AVEN: variants seen among roughly 807,000 people sequenced by gnomAD.
AVEN encodes the protein apoptosis and caspase activation inhibitor.
Under a neutral mutation model 38.1 loss-of-function variants are expected in AVEN, and 41 were observed. The ratio of observed to expected loss-of-function variants is 1.08; its 90% CI spans 0.84 to 1.40. AVEN has a LOEUF of 1.40. Among genes scored for constraint, AVEN ranks in the 40% most tolerant of loss-of-function variants. The probability of loss-of-function intolerance (pLI) is 0.00; values close to 1 mark genes in which losing one functional copy is unlikely to be tolerated. For missense variants in AVEN, 605 were observed against 438.8 expected (o/e 1.38, Z -3.38); for synonymous variants, 206 against 171.8 (o/e 1.20, Z -1.56).
intron 4 of AVEN, among the ~76,000 whole-genome samples, chr15:33,870,467 C>T (rs189555235): frequency 6.6e-6 from 1 of 152,292 alleles, no homozygotes; most frequent in Admixed American, 6.5e-5. Context: ...CCATTCCTAA[C>T]CACACCACAC....
intron 2 of AVEN, among the ~76,000 whole-genome samples, chr15:33,915,060 G>T (rs1044613596): frequency 2.0e-5 from 3 of 152,084 alleles, no homozygotes; most frequent in Non-Finnish European, 4.4e-5. Flanking sequence ...CAAATATACA[G>T]CAGTAGTTAA....
chr15:33,952,858 G>GA (rs60788032), intron 2 of AVEN, among the ~76,000 whole-genome samples: 9,597 of 91,504 alleles, frequency 0.1, 411 homozygotes, highest in South Asian at 0.23. Flanking sequence ...AGGCTAAAGA[G>GA]AAAAAAAAAA....
chr15:34,064,439 T>C (rs1387258238), intron 4 of AVEN: 1 of 1,238,680 alleles, frequency 8.1e-7, no homozygotes, highest in Non-Finnish European at 1.1e-6. Context: ...CTTGAAGATT[T>C]TTGTAAAGGC....
At chr15:33,944,354 A>C (rs1894429278) in intron 2 of AVEN, among the ~76,000 whole-genome samples, 1 of 152,220 alleles carries the variant, frequency 6.6e-6, no homozygotes, top group East Asian at 1.9e-4. Flanking sequence ...GGCAACTATA[A>C]CGTGTCCAGT....
chr15:34,032,023 GCA>G (rs10643932), intron 1 of AVEN, among the ~76,000 whole-genome samples: 12 of 149,010 alleles, frequency 8.1e-5, no homozygotes, highest in East Asian at 2.0e-4. Context: ...GCGCGCACAC[GCA>G]CACACACACA....
chr15:33,869,083 G>C (rs1306219029), intron 4 of AVEN, among the ~76,000 whole-genome samples: 1 of 152,294 alleles, frequency 6.6e-6, no homozygotes, highest in Non-Finnish European at 1.5e-5. Flanking sequence ...ATGTAAGACG[G>C]TATGGCTTTA....
intron 2 of AVEN, among the ~76,000 whole-genome samples, chr15:33,879,082 G>A (rs549353143): frequency 6.6e-6 from 1 of 152,060 alleles, no homozygotes; most frequent in African/African-American, 2.4e-5. Context: ...AAATCATGCT[G>A]CTATAAAGAC....
At chr15:33,997,482 G>A (rs1469918776) in intron 2 of AVEN, among the ~76,000 whole-genome samples, 2 of 151,994 alleles carry the variant, frequency 1.3e-5, no homozygotes. Flanking sequence ...TCACAGCCAG[G>A]CACACCCGTA....
intron 2 of AVEN, among the ~76,000 whole-genome samples, chr15:33,880,817 G>A (rs111523740): frequency 0.021 from 3,125 of 152,090 alleles, 82 homozygotes; most frequent in African/African-American, 0.064. Flanking sequence ...CATGAGACAT[G>A]GATTTTATAA....
chr15:33,988,206 A>G (rs1469476973), intron 2 of AVEN, among the ~76,000 whole-genome samples: 1 of 152,240 alleles, frequency 6.6e-6, no homozygotes, highest in African/African-American at 2.4e-5. Context: ...GAAACAAAAA[A>G]TGTGTATCTT....
rs113504638 is a variant in AVEN at position 33,868,359 on chromosome 15, T to TAAACAAACAAAC, written c.613-516_613-505dup. Among the ~76,000 whole-genome samples the TAAACAAACAAAC allele has an allele frequency of 6.6e-5, 10 of 150,994 alleles. 1 individual carries two copies. In the East Asian group the frequency reaches 1.6e-3, roughly 24 times the overall value. The stretch of plus-strand genomic sequence containing the variant: ...TAACATGGTGAAACCCTGTCTCTAC[T>TAAACAAACAAAC]AAACAAACAAACAAACAAACAAACA... On this transcript the variant is annotated intron_variant, in intron 4 of 5. Coordinates refer to ENST00000306730, the MANE Select transcript of AVEN (RefSeq NM_020371.3).
rs140326548 is a variant in AVEN, at chr15:34,031,557, G to A, written c.267+7223C>T. Among the ~76,000 whole-genome samples, 853 of 152,260 alleles carry A rather than the reference G, an allele frequency of 5.6e-3. 7 individuals are homozygous for A. Among genetic ancestry groups the A allele is most frequent in the African/African-American group, 0.019 (804 of 41,542 alleles). On this transcript the variant is annotated intron_variant, in intron 1 of 5. Coordinates refer to ENST00000306730, the MANE Select transcript of AVEN (RefSeq NM_020371.3). ...AAAGAAATATGGATCAGACAGATTC[G>A]TATCAGTCCTTAATGGCAAGAGGAC... is the stretch of plus-strand genomic sequence containing the variant.
chr15:33,859,739 T>TAAA, intron 11 of AVEN: 2 of 1,602,128 alleles, frequency 1.2e-6, no homozygotes, highest in Non-Finnish European at 1.7e-6. Context: ...AAGGTATGAT[T>TAAA]GCCAATTGTG....
intron 1 of AVEN, among the ~76,000 whole-genome samples, chr15:34,025,529 ATAAAGGACG>A (rs974157034): frequency 6.6e-6 from 1 of 152,204 alleles, no homozygotes; most frequent in Admixed American, 6.5e-5. Flanking sequence ...TCGAAGCCTA[ATAAAGGACG>A]TTATTGGGTC....
chr15:34,073,072 G>A (rs542151131), intron 1 of AVEN, among the ~76,000 whole-genome samples: 2 of 147,680 alleles, frequency 1.4e-5, no homozygotes, highest in Non-Finnish European at 3.0e-5. Context: ...ACGGAGTCTC[G>A]CTCTGTCGCC....
At chr15:34,070,751 G>A (rs1178994853) in intron 1 of AVEN, among the ~76,000 whole-genome samples, 3 of 152,158 alleles carry the variant, frequency 2.0e-5, no homozygotes, top group African/African-American at 7.2e-5. Flanking sequence ...GAGACACTAA[G>A]TAATAACAGG....
chr15:33,987,193 A>T (rs1050575291), intron 2 of AVEN, among the ~76,000 whole-genome samples: 3 of 151,944 alleles, frequency 2.0e-5, no homozygotes, highest in African/African-American at 7.2e-5. Context: ...TTTCCATCCC[A>T]CTCCACATAT....
At chr15:34,004,047 T>C (rs935800357) in intron 1 of AVEN, among the ~76,000 whole-genome samples, 1 of 152,206 alleles carries the variant, frequency 6.6e-6, no homozygotes, top group East Asian at 1.9e-4. Flanking sequence ...CCAGGCTCAA[T>C]TTCTACAACT....
chr15:34,030,718 A>G (rs559666618), intron 1 of AVEN, among the ~76,000 whole-genome samples: 1 of 152,142 alleles, frequency 6.6e-6, no homozygotes, highest in African/African-American at 2.4e-5. Flanking sequence ...TCCTGGGTTA[A>G]AAATCTTCCT....
Sources: allele counts gnomAD v4.1 joint callset (sites outside exome capture counted in the v4.1 genomes callset), GRCh38; gene constraint gnomAD v4.1.1; transcripts MANE v1.5; gene names NCBI Gene and HGNC (gene_info 2026-07-23, HGNC 2026-07-21).